The following SESTD1 variants were observed in gnomAD, a reference collection of about 807,000 sequenced individuals.
The protein encoded by SESTD1 is SEC14 and spectrin domain containing 1, also known as SEC14 domain and spectrin repeat-containing protein 1.
A neutral mutation model predicts 101.7 loss-of-function variants in SESTD1; 43 were observed. The observed-to-expected ratio is 0.42, with a 90% CI of 0.33 to 0.55. SESTD1 has a LOEUF of 0.55. SESTD1 is among the 20% of genes least tolerant of loss of function. SESTD1 has a pLI of 0.07. For synonymous variants in SESTD1, 283 were observed against 286.8 expected, an observed-to-expected ratio of 0.99 and a Z score of 0.13; for missense variants, 647 against 815.1, an observed-to-expected ratio of 0.79 and a Z score of 2.51.
chr2:179,205,075 T>G (rs1360960466), intron 1 of SESTD1, among the ~76,000 whole-genome samples: 3 of 134,700 alleles, frequency 2.2e-5, no homozygotes, highest in African/African-American at 8.8e-5. Context: ...TTATACAAAA[T>G]AAATCCCTTT....
intron 3 of SESTD1, among the ~76,000 whole-genome samples, chr2:179,179,500 C>T (rs1048286721): frequency 6.6e-6 from 1 of 152,224 alleles, no homozygotes; most frequent in African/African-American, 2.4e-5. Flanking sequence ...TTGATTACAA[C>T]TAAAGGCTCC....
At chr2:179,120,711 A>ACAGT (rs1553516711) in intron 13 of SESTD1, among the ~76,000 whole-genome samples, 1 of 152,076 alleles carries the variant, frequency 6.6e-6, no homozygotes, top group African/African-American at 2.4e-5. Flanking sequence ...ACTGAATGAA[A>ACAGT]TAGTTAGGGT....
intron 15 of SESTD1, among the ~76,000 whole-genome samples, chr2:179,116,144 G>A (rs2044477): frequency 0.092 from 13,995 of 151,828 alleles, 2,126 homozygotes; most frequent in African/African-American, 0.32. Context: ...CGTGGTGGCC[G>A]GTGCCTGTAA....
intron 5 of SESTD1, among the ~76,000 whole-genome samples, chr2:179,154,889 C>T (rs2045599541): frequency 1.3e-5 from 2 of 152,054 alleles, no homozygotes; most frequent in South Asian, 4.1e-4. Flanking sequence ...CATAAGAAAG[C>T]CTCAGCAAAT....
intron 12 of SESTD1, 22 bp downstream of exon 12, chr2:179,123,693 A>C: frequency 6.5e-7 from 1 of 1,530,080 alleles, no homozygotes; most frequent in Non-Finnish European, 9.0e-7. Context: ...CTTATGTTTC[A>C]GCATTTTTAA....
At chr2:179,231,565 GAAAT>G (rs1226270188) in intron 1 of SESTD1, among the ~76,000 whole-genome samples, 2 of 151,084 alleles carry the variant, frequency 1.3e-5, no homozygotes, top group African/African-American at 4.8e-5. Context: ...ACATCATAGA[GAAAT>G]AAAGAAAAAT....
chr2:179,131,802 C>A (rs1407716292), intron 10 of SESTD1, among the ~76,000 whole-genome samples: 3 of 152,102 alleles, frequency 2.0e-5, no homozygotes, highest in Non-Finnish European at 1.5e-5. Context: ...TGTCTGATTA[C>A]CCCTTTCACA....
chr2:179,256,917 C>G (rs1445599980), intron 1 of SESTD1, among the ~76,000 whole-genome samples: 2 of 150,562 alleles, frequency 1.3e-5, no homozygotes, highest in Admixed American at 6.6e-5. Flanking sequence ...GTGCCATAAA[C>G]ATTGTTCAAA....
intron 5 of SESTD1, among the ~76,000 whole-genome samples, chr2:179,152,582 G>C (rs2045552209): frequency 1.3e-5 from 2 of 152,090 alleles, no homozygotes; most frequent in African/African-American, 4.8e-5. Flanking sequence ...GACACAATAT[G>C]TAAAACAAGG....
chr2:179,123,634 G>T, intron 12 of SESTD1, 81 bp downstream of exon 12: 2 of 885,476 alleles, frequency 2.3e-6, no homozygotes, highest in Non-Finnish European at 3.5e-6. Flanking sequence ...TTCAGTGTAA[G>T]TTGACTTAAT....
intron 2 of SESTD1, 70 bp downstream of exon 2, chr2:179,191,717 T>A: frequency 7.8e-7 from 1 of 1,275,692 alleles, no homozygotes; most frequent in Admixed American, 2.0e-5. Context: ...GCATCTGTCA[T>A]ACTTAACAAA....
intron 1 of SESTD1, among the ~76,000 whole-genome samples, chr2:179,199,015 G>T (rs191998270): frequency 6.6e-6 from 1 of 152,060 alleles, no homozygotes; most frequent in Non-Finnish European, 1.5e-5. Context: ...AAGAATCCAG[G>T]ACCTGGTTTT....
At chr2:179,255,643 A>G (rs1047612056) in intron 1 of SESTD1, among the ~76,000 whole-genome samples, 1 of 152,234 alleles carries the variant, frequency 6.6e-6, no homozygotes, top group Admixed American at 6.5e-5. Flanking sequence ...ATGAAGCAGC[A>G]AGTGCTGATG....
intron 13 of SESTD1, among the ~76,000 whole-genome samples, chr2:179,119,542 C>G (rs1358313271): frequency 6.6e-6 from 1 of 152,126 alleles, no homozygotes; most frequent in Non-Finnish European, 1.5e-5. Context: ...TAGATGCCTC[C>G]CCTTCCACCA....
chr2:179,193,608 T>C (rs1401788631), intron 1 of SESTD1, among the ~76,000 whole-genome samples: 1 of 152,246 alleles, frequency 6.6e-6, no homozygotes, highest in Non-Finnish European at 1.5e-5. Context: ...TATTATAAAC[T>C]ATGCACTGTT....
chr2:179,218,333 A>G (rs1004834361), intron 1 of SESTD1, among the ~76,000 whole-genome samples: 3 of 152,168 alleles, frequency 2.0e-5, no homozygotes, highest in Non-Finnish European at 4.4e-5. Flanking sequence ...AGGCTAAGAA[A>G]TGAAAGAATT....
rs1574024167 is a variant in SESTD1, at chr2:179,193,830, A to C, written c.-25-1964T>G. On this transcript the variant is annotated intron_variant, in intron 1 of 17. Coordinates refer to ENST00000428443, the MANE Select transcript of SESTD1 (RefSeq NM_178123.5). ...AAAACAAAGTTTAATTTTCTTGTGT[A>C]ATACAACATGGCCACCTTATAAACT... Among the ~76,000 whole-genome samples the C allele has an allele frequency of 5.9e-5, 9 of 152,314 alleles. 1 individual carries two copies. The South Asian group carries it at 1.9e-3, about 32-fold the overall frequency.
chr2:179,157,147 A>T (rs1375748142), intron 5 of SESTD1, among the ~76,000 whole-genome samples: 3 of 152,202 alleles, frequency 2.0e-5, no homozygotes, highest in Non-Finnish European at 4.4e-5. Flanking sequence ...TAAAATACTT[A>T]GGGATATACC....
chr2:179,193,371 C>G (rs544638995), intron 1 of SESTD1, among the ~76,000 whole-genome samples: 25 of 152,056 alleles, frequency 1.6e-4, no homozygotes, highest in Non-Finnish European at 3.2e-4. Flanking sequence ...TATATTAGCC[C>G]GGCAAACAGA....
Sources: gnomAD v4.1 joint callset for allele counts (sites outside exome capture counted in the v4.1 genomes callset) on GRCh38, gnomAD v4.1.1 for gene constraint, MANE v1.5 for transcripts, NCBI Gene and HGNC (gene_info 2026-07-23, HGNC 2026-07-21) for gene names.